Variants in PTPRK observed in about 807,000 individuals in gnomAD.
PTPRK encodes the protein protein tyrosine phosphatase receptor type K.
A neutral mutation model predicts 178.0 loss-of-function variants in PTPRK; 75 were observed. The observed-to-expected ratio is 0.42, with a 90% CI of 0.35 to 0.51. PTPRK has a LOEUF of 0.51. PTPRK is among the 20% of genes least tolerant of loss of function. The pLI, the probability that PTPRK is intolerant of heterozygous loss-of-function variation, is 0.02. For synonymous variants in PTPRK, 637 were observed against 620.6 expected (o/e 1.03, Z -0.39); for missense variants, 1,441 against 1,797.8 (o/e 0.80, Z 3.59).
intron 2 of PTPRK, among the ~76,000 whole-genome samples, chr6:128,334,541 C>T (rs954386378): frequency 5.3e-5 from 8 of 152,102 alleles, no homozygotes; most frequent in African/African-American, 1.7e-4. Context: ...TCACTGCTCT[C>T]CTGAATAAGT....
chr6:128,112,298 A>C (rs1268702965), intron 7 of PTPRK, among the ~76,000 whole-genome samples: 1 of 152,124 alleles, frequency 6.6e-6, no homozygotes, highest in African/African-American at 2.4e-5. Context: ...AAATATAGGT[A>C]AAAATATGTA....
At chr6:128,464,640 T>TATATATAC (rs1849556752) in intron 1 of PTPRK, among the ~76,000 whole-genome samples, 1 of 51,170 alleles carries the variant, frequency 2.0e-5, no homozygotes, top group Non-Finnish European at 3.6e-5. Context: ...TATATACACA[T>TATATATAC]ATATATATAT....
At chr6:127,989,702 T>C (rs1776384082) in intron 21 of PTPRK, among the ~76,000 whole-genome samples, 1 of 152,044 alleles carries the variant, frequency 6.6e-6, no homozygotes, top group Non-Finnish European at 1.5e-5. Context: ...TCAATGAGGA[T>C]TATTCTTTTT....
At chr6:128,110,134 G>C (rs1223558279) in intron 7 of PTPRK, among the ~76,000 whole-genome samples, 2 of 152,042 alleles carry the variant, frequency 1.3e-5, no homozygotes, top group African/African-American at 2.4e-5. Context: ...ATCTTGTCCA[G>C]ACTGGTCTTA....
At chr6:128,386,312 G>A (rs1838714186) in intron 2 of PTPRK, among the ~76,000 whole-genome samples, 1 of 152,058 alleles carries the variant, frequency 6.6e-6, no homozygotes, top group Admixed American at 6.6e-5. Context: ...CATATGATAA[G>A]CTCACCAAAG....
chr6:128,469,737 G>A (rs1850361101), intron 1 of PTPRK, among the ~76,000 whole-genome samples: 2 of 152,108 alleles, frequency 1.3e-5, no homozygotes, highest in African/African-American at 2.4e-5. Flanking sequence ...ACGTTGAGAT[G>A]GGGAGAGTGT....
At chr6:128,031,190 CA>C (rs1332108646) in intron 13 of PTPRK, among the ~76,000 whole-genome samples, 1 of 152,140 alleles carries the variant, frequency 6.6e-6, no homozygotes, top group Admixed American at 6.5e-5. Context: ...CATTTTGCCC[CA>C]CATTCTTGAA....
At chr6:128,037,146 A>G (rs866823969) in intron 13 of PTPRK, among the ~76,000 whole-genome samples, 9 of 152,308 alleles carry the variant, frequency 5.9e-5, no homozygotes, top group Middle Eastern at 3.4e-3. Context: ...CTCAGTCAAC[A>G]GGACTACATA....
chr6:128,039,347 G>A (rs1019468183), intron 13 of PTPRK, among the ~76,000 whole-genome samples: 2 of 152,096 alleles, frequency 1.3e-5, no homozygotes, highest in African/African-American at 4.8e-5. Context: ...AAAAAACAGT[G>A]TATTTTTCTA....
chr6:128,326,861 A>C (rs1829651396), intron 2 of PTPRK, among the ~76,000 whole-genome samples: 1 of 152,174 alleles, frequency 6.6e-6, no homozygotes, highest in African/African-American at 2.4e-5. Context: ...GACTACATGA[A>C]TACTATCTTA....
chr6:128,175,775 A>C (rs1800972301), intron 7 of PTPRK, among the ~76,000 whole-genome samples: 1 of 151,818 alleles, frequency 6.6e-6, no homozygotes, highest in South Asian at 2.1e-4. Flanking sequence ...AATTTAAAAA[A>C]ATAATTTGGG....
At chr6:128,142,892 A>G (rs1355448502) in intron 7 of PTPRK, among the ~76,000 whole-genome samples, 1 of 152,090 alleles carries the variant, frequency 6.6e-6, no homozygotes, top group Non-Finnish European at 1.5e-5. Flanking sequence ...ACCAAAACCA[A>G]GTAGAGACAA....
chr6:128,339,028 T>G (rs1584244991), intron 2 of PTPRK, among the ~76,000 whole-genome samples: 1 of 152,072 alleles, frequency 6.6e-6, no homozygotes, highest in Non-Finnish European at 1.5e-5. Context: ...TTGAAAAGTT[T>G]TCAAAAAAAT....
At chr6:128,432,773 C>T (rs901940064) in intron 1 of PTPRK, among the ~76,000 whole-genome samples, 2 of 150,180 alleles carry the variant, frequency 1.3e-5, no homozygotes, top group Non-Finnish European at 2.9e-5. Flanking sequence ...CACACACACA[C>T]CCTAACTCAA....
At chr6:128,483,497 T>C (rs1258003909) in intron 1 of PTPRK, among the ~76,000 whole-genome samples, 1 of 152,134 alleles carries the variant, frequency 6.6e-6, no homozygotes, top group Admixed American at 6.6e-5. Context: ...ATATTATAAA[T>C]TTGCATAGGT....
chr6:128,223,468 C>A (rs1810765119), intron 5 of PTPRK, among the ~76,000 whole-genome samples: 1 of 151,848 alleles, frequency 6.6e-6, no homozygotes, highest in Non-Finnish European at 1.5e-5. Context: ...GGCAAGATAT[C>A]ACCAAGCTGA....
chr6:128,363,957 G>A (rs147771290), intron 2 of PTPRK, among the ~76,000 whole-genome samples: 47 of 152,036 alleles, frequency 3.1e-4, no homozygotes, highest in African/African-American at 8.7e-4. Context: ...CATATCAGTC[G>A]ATGCTACACT....
intron 2 of PTPRK, among the ~76,000 whole-genome samples, chr6:128,342,309 C>A (rs1490053242): frequency 3.3e-5 from 5 of 151,988 alleles, no homozygotes; most frequent in East Asian, 1.9e-4. Context: ...TCAGCACACA[C>A]ACAAAAAAAT....
In PTPRK at chr6:128,290,250, C is replaced by A. The variant is rs532380196; in HGVS notation, c.495+31789G>T. ...GATAAAGAAAAATGTTTACGCATTA[C>A]CACTTAAAACTGACATTTTCTACCA... On this transcript the variant is annotated intron_variant, in intron 3 of 29. Coordinates refer to ENST00000368226, the MANE Select transcript of PTPRK (RefSeq NM_002844.4). 2.0e-5 allele frequency among the ~76,000 whole-genome samples: 3 copies of A among 152,124 alleles called. No individual in the cohort carries two copies. In the South Asian group the frequency reaches 6.2e-4, roughly 32 times the overall value.
Sources: gnomAD v4.1 joint callset for allele counts (sites outside exome capture counted in the v4.1 genomes callset) on GRCh38, gnomAD v4.1.1 for gene constraint, MANE v1.5 for transcripts, NCBI Gene and HGNC (gene_info 2026-07-23, HGNC 2026-07-21) for gene names.